CADPS2: variants seen among roughly 807,000 people sequenced by gnomAD.
CADPS2 encodes the protein calcium-dependent secretion activator 2.
In CADPS2, 93 loss-of-function variants were observed where a neutral mutation model predicts 172.5. The ratio of observed to expected loss-of-function variants is 0.54; its 90% CI spans 0.46 to 0.64. The LOEUF is 0.64. Ranked by LOEUF, CADPS2 falls within the 30% of genes least tolerant of loss-of-function variation. The pLI, the probability that CADPS2 is intolerant of heterozygous loss-of-function variation, is 0.00. For synonymous variants in CADPS2, 546 were observed against 555.2 expected, an observed-to-expected ratio of 0.98 and a Z score of 0.23; for missense variants, 1,420 against 1,565.9, an observed-to-expected ratio of 0.91 and a Z score of 1.57.
intron 1 of CADPS2, among the ~76,000 whole-genome samples, chr7:122,854,938 A>AT (rs1487596520): frequency 2.0e-5 from 3 of 152,244 alleles, no homozygotes; most frequent in Non-Finnish European, 2.9e-5. Flanking sequence ...GACCTAAAAA[A>AT]TTAGATAATG....
chr7:122,802,718 A>C (rs986816343), intron 1 of CADPS2, among the ~76,000 whole-genome samples: 3 of 152,210 alleles, frequency 2.0e-5, no homozygotes, highest in African/African-American at 7.2e-5. Flanking sequence ...TTGTTCTTAA[A>C]ATTCTTAAAG....
intron 22 of CADPS2, among the ~76,000 whole-genome samples, chr7:122,389,952 T>C (rs1183639580): frequency 2.0e-5 from 3 of 152,066 alleles, no homozygotes; most frequent in Non-Finnish European, 4.4e-5. Context: ...TATATCTTTA[T>C]GAGCTAGCTT....
At chr7:122,689,952 G>A (rs1383124051) in intron 2 of CADPS2, among the ~76,000 whole-genome samples, 2 of 152,156 alleles carry the variant, frequency 1.3e-5, no homozygotes, top group Admixed American at 6.5e-5. Flanking sequence ...CCTATTCAAA[G>A]CTTGATGTGT....
intron 1 of CADPS2, among the ~76,000 whole-genome samples, chr7:122,784,049 C>G (rs1793440317): frequency 6.6e-6 from 1 of 152,168 alleles, no homozygotes; most frequent in African/African-American, 2.4e-5. Flanking sequence ...CATTAGTAGT[C>G]ACGTCTATTT....
At chr7:122,666,363 A>ATTT (rs2081193271) in intron 2 of CADPS2, among the ~76,000 whole-genome samples, 2 of 32,774 alleles carry the variant, frequency 6.1e-5, no homozygotes, top group African/African-American at 9.6e-5. Flanking sequence ...TTTTTTTTTG[A>ATTT]GATGGAGTCT....
intron 8 of CADPS2, among the ~76,000 whole-genome samples, chr7:122,544,909 T>G (rs938430084): frequency 2.8e-4 from 43 of 152,198 alleles, no homozygotes; most frequent in Admixed American, 2.6e-3. Context: ...CCCTTTAATA[T>G]AGCAAAGGGC....
At chr7:122,881,023 A>G (rs991035788) in intron 1 of CADPS2, among the ~76,000 whole-genome samples, 5 of 152,318 alleles carry the variant, frequency 3.3e-5, no homozygotes, top group African/African-American at 7.2e-5. Context: ...AAGTAGCACA[A>G]TCAGTCAAAA....
intron 20 of CADPS2, among the ~76,000 whole-genome samples, chr7:122,407,037 A>T (rs2046734885): frequency 6.6e-6 from 1 of 152,220 alleles, no homozygotes; most frequent in Admixed American, 6.5e-5. Flanking sequence ...CATTCTCCTT[A>T]ATTTCTAAAT....
At chr7:122,760,086 AAT>A (rs974694655) in intron 1 of CADPS2, among the ~76,000 whole-genome samples, 5 of 152,094 alleles carry the variant, frequency 3.3e-5, no homozygotes, top group East Asian at 3.9e-4. Flanking sequence ...TACTAGAATC[AAT>A]ATGTTTATAC....
At chr7:122,765,119 T>C (rs1431584049) in intron 1 of CADPS2, among the ~76,000 whole-genome samples, 1 of 152,182 alleles carries the variant, frequency 6.6e-6, no homozygotes, top group South Asian at 2.1e-4. Flanking sequence ...CCAATTGGGC[T>C]GTACATGTTC....
chr7:122,469,909 C>T (rs1054948646), intron 14 of CADPS2, among the ~76,000 whole-genome samples: 10 of 151,798 alleles, frequency 6.6e-5, no homozygotes, highest in Non-Finnish European at 8.8e-5. Flanking sequence ...ACAAAAAGTT[C>T]TTAGTGTCTG....
chr7:122,326,238 G>T (rs888280194), intron 28 of CADPS2, among the ~76,000 whole-genome samples: 1 of 152,004 alleles, frequency 6.6e-6, no homozygotes, highest in Admixed American at 6.6e-5. Flanking sequence ...CACAAAATAG[G>T]TGTCAGTTGA....
chr7:122,835,717 G>A (rs1201272697), intron 1 of CADPS2, among the ~76,000 whole-genome samples: 1 of 152,068 alleles, frequency 6.6e-6, no homozygotes, highest in East Asian at 1.9e-4. Context: ...AATGAAGTGA[G>A]AAGTTTAGAG....
chr7:122,681,217 A>T (rs1470835372), intron 2 of CADPS2: 5 of 666,958 alleles, frequency 7.5e-6, no homozygotes, highest in Non-Finnish European at 1.3e-5. Context: ...AGCATGGCAC[A>T]TGTATACATA....
intron 8 of CADPS2, among the ~76,000 whole-genome samples, chr7:122,548,210 T>C (rs949168635): frequency 6.6e-6 from 1 of 151,594 alleles, no homozygotes; most frequent in Non-Finnish European, 1.5e-5. Context: ...TCTATAAAAA[T>C]TTTTTTAAAA....
At chr7:122,345,703 G>C in intron 27 of CADPS2, 22 bp from the exon 28 acceptor site, 1 of 1,430,778 alleles carries the variant, frequency 7.0e-7, no homozygotes, top group Middle Eastern at 1.8e-4. Flanking sequence ...GAAAAGCAGG[G>C]GGAACAAAAT....
At chr7:122,690,103 G>A (rs1274409985) in intron 2 of CADPS2, among the ~76,000 whole-genome samples, 1 of 152,214 alleles carries the variant, frequency 6.6e-6, no homozygotes, top group Non-Finnish European at 1.5e-5. Context: ...GGTCACCTCA[G>A]TAAGGTGTGG....
At chr7:122,695,278 A>G (rs1274161953) in intron 2 of CADPS2, among the ~76,000 whole-genome samples, 2 of 152,238 alleles carry the variant, frequency 1.3e-5, no homozygotes, top group African/African-American at 4.8e-5. Flanking sequence ...GAGTGAATAA[A>G]AAAGCAAGCT....
At chr7:122,519,474 C>A (rs2060618456) in intron 8 of CADPS2, among the ~76,000 whole-genome samples, 1 of 152,012 alleles carries the variant, frequency 6.6e-6, no homozygotes, top group African/African-American at 2.4e-5. Context: ...AAACAAAGCT[C>A]AGATTTAACA....
Sources: allele counts gnomAD v4.1 joint callset (sites outside exome capture counted in the v4.1 genomes callset), GRCh38; gene constraint gnomAD v4.1.1; transcripts MANE v1.5; gene names NCBI Gene and HGNC (gene_info 2026-07-23, HGNC 2026-07-21).